The following SEMA3A variants were observed in gnomAD, a reference collection of about 807,000 sequenced individuals.
SEMA3A encodes the protein semaphorin 3A, also known as semaphorin-3A.
SEMA3A carries 29 observed loss-of-function variants against 97.9 expected under a neutral mutation model. That is an observed-to-expected ratio of 0.30 (90% confidence interval 0.22 to 0.40). The LOEUF (loss-of-function observed/expected upper bound fraction) is 0.40. Ranked by LOEUF, SEMA3A falls within the 10% of genes least tolerant of loss-of-function variation. The pLI, the probability that SEMA3A is intolerant of heterozygous loss-of-function variation, is 1.00. For missense variants in SEMA3A, 763 were observed against 951.3 expected (o/e 0.80, Z 2.60); for synonymous variants, 321 against 323.7 (o/e 0.99, Z 0.09).
At chr7:84,434,639 G>T (rs1584322996) in intron 1 of SEMA3A, among the ~76,000 whole-genome samples, 1 of 152,254 alleles carries the variant, frequency 6.6e-6, no homozygotes, top group Non-Finnish European at 1.5e-5. Context: ...AAATCCAGCA[G>T]CATGTCAAAG....
At chr7:84,425,566 G>A (rs1182714743) in intron 1 of SEMA3A, among the ~76,000 whole-genome samples, 2 of 143,886 alleles carry the variant, frequency 1.4e-5, no homozygotes, top group African/African-American at 2.5e-5. Context: ...ATTTATATGA[G>A]TATAAACATA....
intron 1 of SEMA3A, among the ~76,000 whole-genome samples, chr7:84,379,874 G>T (rs1218622347): frequency 6.6e-6 from 1 of 152,086 alleles, no homozygotes; most frequent in East Asian, 1.9e-4. Flanking sequence ...CAAAAACACT[G>T]GCAGTATGAC....
chr7:84,187,235 G>GT (rs1415190362), intron 1 of SEMA3A, among the ~76,000 whole-genome samples: 2 of 152,152 alleles, frequency 1.3e-5, no homozygotes, highest in African/African-American at 4.8e-5. Flanking sequence ...AACTTCATTT[G>GT]GTAGAACTGA....
At chr7:84,450,909 C>T (rs1486705903) in intron 1 of SEMA3A, among the ~76,000 whole-genome samples, 1 of 152,048 alleles carries the variant, frequency 6.6e-6, no homozygotes, top group Non-Finnish European at 1.5e-5. Context: ...TCATATTAAC[C>T]CCTTAGCAAA....
At chr7:84,388,638 T>A (rs1044205020) in intron 1 of SEMA3A, among the ~76,000 whole-genome samples, 1 of 152,044 alleles carries the variant, frequency 6.6e-6, no homozygotes, top group Non-Finnish European at 1.5e-5. Context: ...CTGATTATAC[T>A]TTTTTTACAT....
intron 1 of SEMA3A, among the ~76,000 whole-genome samples, chr7:84,454,924 A>C (rs1021726607): frequency 1.1e-4 from 16 of 151,992 alleles, no homozygotes; most frequent in African/African-American, 3.9e-4. Context: ...TATATTAACA[A>C]GTAGCACCTC....
intron 4 of SEMA3A, among the ~76,000 whole-genome samples, chr7:84,102,417 C>G (rs906863718): frequency 1.3e-5 from 2 of 152,126 alleles, no homozygotes; most frequent in African/African-American, 4.8e-5. Flanking sequence ...CAAGTACTAA[C>G]TGGATGAGAC....
Position 84,098,493 on chromosome 7 carries a change from T to TG in SEMA3A, c.453+11976dup, listed in dbSNP as rs145652997. 5.3e-3 allele frequency among the ~76,000 whole-genome samples: 801 copies of TG among 152,174 alleles called. 4 individuals carry two copies. Among genetic ancestry groups the TG allele is most frequent in the East Asian group, 0.017 (90 of 5,170 alleles). ...TAGTAGTAACAGAATAACTGTTTTG[T>TG]GGGGTATTCTAGCACTAGTTTTATT... On this transcript the variant is annotated intron_variant, in intron 4 of 16. Coordinates refer to ENST00000265362, the MANE Select transcript of SEMA3A (RefSeq NM_006080.3).
intron 2 of SEMA3A, among the ~76,000 whole-genome samples, chr7:84,353,821 A>G (rs1359052686): frequency 6.6e-6 from 1 of 151,700 alleles, no homozygotes; most frequent in Admixed American, 6.6e-5. Context: ...GGAATCTAAC[A>G]TAAAAAGTAA....
chr7:84,241,015 C>T (rs7794860), intron 3 of SEMA3A, among the ~76,000 whole-genome samples: 107,524 of 152,068 alleles, frequency 0.71, 38,232 homozygotes, highest in East Asian at 0.79. Flanking sequence ...TTGAAGGGTG[C>T]TTGGGTTGGT....
intron 2 of SEMA3A, 131 bp downstream of exon 2, chr7:84,134,663 G>T: frequency 4.9e-6 from 3 of 610,396 alleles, no homozygotes; most frequent in Non-Finnish European, 7.7e-6. Context: ...ATTTTTATTT[G>T]CATCAGAAAA....
chr7:84,335,515 A>G (rs1346640003), intron 2 of SEMA3A, among the ~76,000 whole-genome samples: 3 of 152,202 alleles, frequency 2.0e-5, no homozygotes, highest in Admixed American at 2.0e-4. Flanking sequence ...TCTATTACAT[A>G]CACACACAAT....
chr7:84,187,418 A>G (rs1318332883), intron 1 of SEMA3A, among the ~76,000 whole-genome samples: 1 of 152,142 alleles, frequency 6.6e-6, no homozygotes, highest in East Asian at 1.9e-4. Context: ...GGAATGCAAT[A>G]ATTCCTCAGC....
intron 1 of SEMA3A, among the ~76,000 whole-genome samples, chr7:84,145,392 A>T (rs1796432741): frequency 6.6e-6 from 1 of 152,168 alleles, no homozygotes; most frequent in South Asian, 2.1e-4. Context: ...CAAGTGACTC[A>T]AATGTAATTT....
chr7:84,029,810 T>TAC (rs34158057), intron 6 of SEMA3A, among the ~76,000 whole-genome samples: 1,612 of 116,846 alleles, frequency 0.014, 16 homozygotes, highest in East Asian at 0.053. Flanking sequence ...CCCTTCCATA[T>TAC]ACACACACAC....
At chr7:84,071,767 T>C (rs984651534) in intron 4 of SEMA3A, among the ~76,000 whole-genome samples, 1 of 152,136 alleles carries the variant, frequency 6.6e-6, no homozygotes, top group Non-Finnish European at 1.5e-5. Context: ...TAGATTTTTT[T>C]AAAGGTGAGG....
At chr7:84,143,948 CTA>C (rs770837037) in intron 1 of SEMA3A, among the ~76,000 whole-genome samples, 13,140 of 70,208 alleles carry the variant, frequency 0.19, 694 homozygotes, top group Non-Finnish European at 0.28. Context: ...CTCTCTCTCT[CTA>C]ACACACACAC....
At chr7:84,158,845 A>G (rs921601001) in intron 1 of SEMA3A, among the ~76,000 whole-genome samples, 4 of 152,216 alleles carry the variant, frequency 2.6e-5, no homozygotes, top group African/African-American at 9.6e-5. Context: ...TATCATTAAA[A>G]TATCCACAAG....
At chr7:84,486,521 T>C (rs567609272) in intron 1 of SEMA3A, among the ~76,000 whole-genome samples, 2 of 151,758 alleles carry the variant, frequency 1.3e-5, no homozygotes, top group East Asian at 2.0e-4. Context: ...GGCATGCTCC[T>C]ATATTCTTTT....
Sources: allele counts gnomAD v4.1 joint callset (sites outside exome capture counted in the v4.1 genomes callset), GRCh38; gene constraint gnomAD v4.1.1; transcripts MANE v1.5; gene names NCBI Gene and HGNC (gene_info 2026-07-23, HGNC 2026-07-21).